The following RANBP17 variants were observed in gnomAD, a reference collection of about 807,000 sequenced individuals.
The protein encoded by RANBP17 is ran-binding protein 17.
Under a neutral mutation model 141.2 loss-of-function variants are expected in RANBP17, and 158 were observed. That is an observed-to-expected ratio of 1.12 (90% CI 0.98 to 1.28). The LOEUF (loss-of-function observed/expected upper bound fraction) is 1.28, where lower values mean the gene tolerates loss of function less well. Ranked by LOEUF, RANBP17 falls within the 50% of genes most tolerant of loss-of-function variation. RANBP17 has a pLI of 0.00. For missense variants in RANBP17, 1,438 were observed against 1,290.7 expected, an observed-to-expected ratio of 1.11 and a Z score of -1.75; for synonymous variants, 430 against 450.0, an observed-to-expected ratio of 0.96 and a Z score of 0.56.
intron 14 of RANBP17, among the ~76,000 whole-genome samples, chr5:171,124,016 A>G (rs1294299748): frequency 1.3e-5 from 2 of 152,196 alleles, no homozygotes; most frequent in African/African-American, 4.8e-5. Context: ...AATTCTCTAA[A>G]GTAACAGATC....
chr5:171,208,937 C>T (rs562717334), intron 20 of RANBP17, among the ~76,000 whole-genome samples: 48 of 152,180 alleles, frequency 3.2e-4, no homozygotes, highest in Non-Finnish European at 5.4e-4. Flanking sequence ...AAAGGAATCC[C>T]ATTTGCTCAC....
At chr5:171,237,986 A>T (rs893334946) in intron 22 of RANBP17, among the ~76,000 whole-genome samples, 2 of 152,188 alleles carry the variant, frequency 1.3e-5, no homozygotes, top group African/African-American at 4.8e-5. Context: ...TGAATAATAC[A>T]TATTGAATAA....
intron 12 of RANBP17, among the ~76,000 whole-genome samples, chr5:170,936,523 C>T (rs1773893300): frequency 6.6e-6 from 1 of 152,072 alleles, no homozygotes; most frequent in Non-Finnish European, 1.5e-5. Flanking sequence ...TTTTAAGTTA[C>T]AAATATTTAG....
At chr5:171,133,724 T>C (rs1012217354) in intron 14 of RANBP17, among the ~76,000 whole-genome samples, 6 of 152,250 alleles carry the variant, frequency 3.9e-5, no homozygotes, top group African/African-American at 1.4e-4. Context: ...GTTACTGTAT[T>C]TCTTTGTGCT....
intron 14 of RANBP17, among the ~76,000 whole-genome samples, chr5:171,036,898 A>C (rs557181402): frequency 6.6e-6 from 1 of 152,338 alleles, no homozygotes; most frequent in African/African-American, 2.4e-5. Flanking sequence ...TGCAGTGAAC[A>C]TATGAGTACA....
chr5:170,958,594 T>A (rs1775914184), intron 13 of RANBP17, among the ~76,000 whole-genome samples: 1 of 152,234 alleles, frequency 6.6e-6, no homozygotes, highest in African/African-American at 2.4e-5. Flanking sequence ...CATATGAAGA[T>A]GTTCCAAATA....
At chr5:171,154,722 G>A (rs1758735218) in intron 14 of RANBP17, among the ~76,000 whole-genome samples, 1 of 152,088 alleles carries the variant, frequency 6.6e-6, no homozygotes, top group South Asian at 2.1e-4. Flanking sequence ...GGAAGTTGGG[G>A]AAACCATTTA....
intron 24 of RANBP17, among the ~76,000 whole-genome samples, chr5:171,255,886 T>G (rs964192676): frequency 1.3e-5 from 2 of 152,182 alleles, no homozygotes; most frequent in African/African-American, 4.8e-5. Flanking sequence ...TATAAATTAT[T>G]GTAACTAAAA....
At chr5:171,011,742 T>C (rs966836291) in intron 14 of RANBP17, among the ~76,000 whole-genome samples, 1 of 151,900 alleles carries the variant, frequency 6.6e-6, no homozygotes, top group African/African-American at 2.4e-5. Context: ...ACAAACGCAA[T>C]ACTATGATTA....
intron 22 of RANBP17, among the ~76,000 whole-genome samples, chr5:171,240,057 A>G (rs1238574795): frequency 6.6e-6 from 1 of 152,234 alleles, no homozygotes; most frequent in Non-Finnish European, 1.5e-5. Flanking sequence ...CCACTATATT[A>G]TACTTCTAAA....
At chr5:170,901,333 C>G (rs1046993494) in intron 5 of RANBP17, among the ~76,000 whole-genome samples, 2 of 152,088 alleles carry the variant, frequency 1.3e-5, no homozygotes, top group African/African-American at 4.8e-5. Flanking sequence ...AATTGCAACC[C>G]CTGCATTTTT....
At chr5:170,940,023 A>T (rs923896693) in intron 12 of RANBP17, among the ~76,000 whole-genome samples, 1 of 152,170 alleles carries the variant, frequency 6.6e-6, no homozygotes, top group Non-Finnish European at 1.5e-5. Flanking sequence ...AATAGACAAT[A>T]AAAAAATGGT....
chr5:170,869,701 A>C (rs974665944), intron 1 of RANBP17, among the ~76,000 whole-genome samples: 9 of 152,170 alleles, frequency 5.9e-5, no homozygotes, highest in Non-Finnish European at 8.8e-5. Context: ...TAGGAATACC[A>C]GTCAGTGGAT....
At chr5:171,137,440 C>T (rs1191449088) in intron 14 of RANBP17, among the ~76,000 whole-genome samples, 1 of 152,082 alleles carries the variant, frequency 6.6e-6, no homozygotes, top group Non-Finnish European at 1.5e-5. Context: ...TTTGTATAAA[C>T]TTGGACAATA....
intron 20 of RANBP17, among the ~76,000 whole-genome samples, chr5:171,213,297 C>T (rs1372588093): frequency 1.3e-5 from 2 of 152,012 alleles, no homozygotes; most frequent in African/African-American, 4.8e-5. Context: ...TCCTTTCCTA[C>T]AACATTAGGC....
intron 14 of RANBP17, among the ~76,000 whole-genome samples, chr5:171,013,806 T>C (rs1780240252): frequency 6.6e-6 from 1 of 151,920 alleles, no homozygotes; most frequent in Non-Finnish European, 1.5e-5. Flanking sequence ...AATAGAAGAG[T>C]ATGGTGTTTA....
intron 25 of RANBP17, among the ~76,000 whole-genome samples, chr5:171,291,822 GA>G (rs143964609): frequency 1.1e-4 from 17 of 150,306 alleles, no homozygotes; most frequent in African/African-American, 3.2e-4. Flanking sequence ...GAATAAAAAA[GA>G]AAAAAAAATC....
intron 14 of RANBP17, among the ~76,000 whole-genome samples, chr5:171,149,466 A>T (rs936062055): frequency 6.6e-6 from 1 of 152,222 alleles, no homozygotes. Context: ...AAATTATATC[A>T]TAATCTCCCT....
intron 14 of RANBP17, among the ~76,000 whole-genome samples, chr5:171,114,891 A>G (rs1276793574): frequency 2.6e-5 from 4 of 151,878 alleles, no homozygotes; most frequent in Admixed American, 6.6e-5. Context: ...AGGCAGGAGG[A>G]TCACTTGAAG....
Sources: gnomAD v4.1 joint callset for allele counts (sites outside exome capture counted in the v4.1 genomes callset) on GRCh38, gnomAD v4.1.1 for gene constraint, MANE v1.5 for transcripts, NCBI Gene and HGNC (gene_info 2026-07-23, HGNC 2026-07-21) for gene names.